The following ARHGAP24 variants were observed in gnomAD, a reference collection of about 807,000 sequenced individuals.
The protein encoded by ARHGAP24 is Rho GTPase activating protein 24.
ARHGAP24 carries 50 observed loss-of-function variants against 76.4 expected under a neutral mutation model. That is an observed-to-expected ratio of 0.65 (90% confidence interval 0.52 to 0.83). The LOEUF is 0.83. Among genes scored for constraint, ARHGAP24 ranks in the 40% least tolerant of loss-of-function variants. The pLI is 0.00. For missense variants in ARHGAP24, 930 were observed against 914.2 expected (o/e 1.02, Z -0.22); for synonymous variants, 345 against 323.3 (o/e 1.07, Z -0.72).
At chr4:85,835,671 A>G (rs191100830) in intron 3 of ARHGAP24, among the ~76,000 whole-genome samples, 2 of 151,780 alleles carry the variant, frequency 1.3e-5, no homozygotes, top group Admixed American at 6.6e-5. Context: ...GAATGTGATA[A>G]CGATTTGTAT....
intron 3 of ARHGAP24, among the ~76,000 whole-genome samples, chr4:85,788,580 A>G (rs1251588010): frequency 6.6e-6 from 1 of 152,224 alleles, no homozygotes. Flanking sequence ...TTACAGGAGA[A>G]TCTCCACTTT....
chr4:85,564,555 TA>T (rs953015712), intron 1 of ARHGAP24, among the ~76,000 whole-genome samples: 5 of 148,692 alleles, frequency 3.4e-5, no homozygotes, highest in South Asian at 4.3e-4. Context: ...AAAAAAAAAT[TA>T]AAAAAAAAAG....
At chr4:85,793,630 C>CT (rs1413957193) in intron 3 of ARHGAP24, among the ~76,000 whole-genome samples, 2 of 152,136 alleles carry the variant, frequency 1.3e-5, no homozygotes, top group Non-Finnish European at 2.9e-5. Flanking sequence ...TGTGTATACT[C>CT]TTTTTTTAAA....
At chr4:85,775,132 A>G (rs192063914) in intron 3 of ARHGAP24, among the ~76,000 whole-genome samples, 1 of 152,296 alleles carries the variant, frequency 6.6e-6, no homozygotes, top group Non-Finnish European at 1.5e-5. Context: ...TATGAAAGAA[A>G]ATTAAAATGG....
rs1727260860 is a variant in ARHGAP24, at chr4:85,574,060, C to T, written c.180+3339C>T. 2.6e-5 allele frequency among the ~76,000 whole-genome samples: 4 copies of T among 152,150 alleles called. No homozygotes were observed. In the South Asian group the frequency reaches 8.3e-4, roughly 31 times the overall value. On this transcript the variant is annotated intron_variant, in intron 2 of 9. Coordinates refer to ENST00000395184, the MANE Select transcript of ARHGAP24 (RefSeq NM_001025616.3). ...CTTTCTTTTAAACATTCCTAACCAG[C>T]TGGAAATATTCAATAATCTTAACTT...
At chr4:85,643,234 G>T (rs1196720986) in intron 2 of ARHGAP24, among the ~76,000 whole-genome samples, 6 of 54,628 alleles carry the variant, frequency 1.1e-4, no homozygotes, top group Admixed American at 3.6e-4. Context: ...GTTTTTTTGT[G>T]TTTTTTTTTT....
intron 3 of ARHGAP24, among the ~76,000 whole-genome samples, chr4:85,753,682 C>A (rs1726355626): frequency 6.6e-6 from 1 of 152,140 alleles, no homozygotes; most frequent in Non-Finnish European, 1.5e-5. Flanking sequence ...CCTTTTCTGG[C>A]CTATTTACAG....
intron 3 of ARHGAP24, among the ~76,000 whole-genome samples, chr4:85,908,764 G>C (rs1182288872): frequency 6.6e-6 from 1 of 152,060 alleles, no homozygotes; most frequent in Admixed American, 6.5e-5. Context: ...TACAGAGCCA[G>C]GCATAGATAA....
intron 2 of ARHGAP24, among the ~76,000 whole-genome samples, chr4:85,714,138 A>G (rs563878294): frequency 1.3e-5 from 2 of 152,266 alleles, no homozygotes; most frequent in South Asian, 2.1e-4. Context: ...GGTGATGGCT[A>G]TGCTCCCAAG....
At chr4:85,783,372 C>CTG (rs1727652839) in intron 3 of ARHGAP24, among the ~76,000 whole-genome samples, 1 of 152,108 alleles carries the variant, frequency 6.6e-6, no homozygotes, top group Non-Finnish European at 1.5e-5. Flanking sequence ...GTGACTTCTG[C>CTG]TGTGAATAAA....
Position 85,570,731 on chromosome 4 carries a change from A to C in ARHGAP24, c.180+10A>C, listed in dbSNP as rs1727107927. On this transcript the variant is annotated intron_variant, in intron 2 of 9. Transcript: ENST00000395184. ...TGAAACCAAGCCCTTGGTGAGTAGG[A>C]GAAAATGTAAAGCATTAAGGGCCTA... is the stretch of plus-strand genomic sequence containing the variant. 2 of 1,613,818 alleles carry C rather than the reference A, an allele frequency of 1.2e-6. No homozygotes were observed. The highest frequency in any genetic ancestry group is 1.7e-6 in the Non-Finnish European group (2 of 1,179,914).
At chr4:85,927,600 T>C (rs1736088591) in intron 4 of ARHGAP24, among the ~76,000 whole-genome samples, 1 of 152,182 alleles carries the variant, frequency 6.6e-6, no homozygotes, top group Admixed American at 6.5e-5. Context: ...CCAGGCCCTG[T>C]TAATACTAAA....
In ARHGAP24 at chr4:85,923,468, C is replaced by G. The variant is rs577588427; in HGVS notation, c.269-180C>G. 9.8e-4 allele frequency among the ~76,000 whole-genome samples: 149 copies of G among 152,278 alleles called. No homozygotes were observed. The South Asian group carries it at 0.03, about 31-fold the overall frequency. ...CTCCAGCTTTCTCCTGAAAGCATAA[C>G]AGTCTCTCCTTTTTAAAATTTTTCT... On this transcript the variant is annotated intron_variant, in intron 3 of 9. Transcript: ENST00000395184.
intron 2 of ARHGAP24, among the ~76,000 whole-genome samples, chr4:85,639,936 C>T (rs1008549976): frequency 6.6e-6 from 1 of 152,092 alleles, no homozygotes; most frequent in African/African-American, 2.4e-5. Context: ...AAAGCAATTT[C>T]TGTGTGTTAA....
chr4:85,775,318 G>A (rs937153066), intron 3 of ARHGAP24, among the ~76,000 whole-genome samples: 9 of 152,164 alleles, frequency 5.9e-5, no homozygotes, highest in Admixed American at 3.9e-4. Context: ...TAGGAAATTC[G>A]GTAGGTGTAT....
rs1379669090 is a variant in ARHGAP24 at position 85,485,377 on chromosome 4, ATATATATATAT to A, written c.-21+9819_-21+9829del. On this transcript the variant is annotated intron_variant, in intron 1 of 9. Coordinates refer to ENST00000395184, the MANE Select transcript of ARHGAP24 (RefSeq NM_001025616.3). ...AAAAAAAAAAAAAAAAAAAAAAAAA[ATATATATATAT>A]ATATATATATATATATATATATATA... Among the ~76,000 whole-genome samples, 24 of 10,376 alleles carry A rather than the reference ATATATATATAT, an allele frequency of 2.3e-3. 1 individual carries two copies. Among genetic ancestry groups the A allele is most frequent in the East Asian group, 0.016 (3 of 184 alleles). The allele number at this position is 10,376 out of a possible 152,430, so 6.8% of individuals were successfully genotyped here. A position where few individuals can be genotyped will look rare whatever the true frequency, so the allele number is the denominator to read the frequency against.
chr4:85,484,097 G>GT (rs551818556), intron 1 of ARHGAP24, among the ~76,000 whole-genome samples: 15 of 152,170 alleles, frequency 9.9e-5, no homozygotes, highest in African/African-American at 3.6e-4. Flanking sequence ...TTTCGTGTAG[G>GT]TTTTTTCCCT....
In ARHGAP24 at chr4:85,654,916, A is replaced by ATTT. The variant is rs1228376965; in HGVS notation, c.181-66968_181-66967insTTT. Among the ~76,000 whole-genome samples, 6 of 152,332 alleles carry ATTT rather than the reference A, an allele frequency of 3.9e-5. No individual in the cohort carries two copies. The East Asian group carries it at 1.2e-3, about 29-fold the overall frequency. ...AGTTTTGGATATTAGAAAAATTTAC[A>ATTT]TACACTATAACTCTTACAAAGTAAG... On this transcript the variant is annotated intron_variant, in intron 2 of 9. Transcript: ENST00000395184.
intron 3 of ARHGAP24, among the ~76,000 whole-genome samples, chr4:85,787,198 A>G (rs1228375074): frequency 6.6e-6 from 1 of 152,242 alleles, no homozygotes; most frequent in Non-Finnish European, 1.5e-5. Flanking sequence ...AAAGACACTA[A>G]CAAGAGGATA....
Sources: gnomAD v4.1 joint callset for allele counts (sites outside exome capture counted in the v4.1 genomes callset) on GRCh38, gnomAD v4.1.1 for gene constraint, MANE v1.5 for transcripts, NCBI Gene and HGNC (gene_info 2026-07-23, HGNC 2026-07-21) for gene names.